The following ZNF362 variants were observed in gnomAD, a reference collection of about 807,000 sequenced individuals.
The protein encoded by ZNF362 is rotund homolog.
In ZNF362, 11 loss-of-function variants were observed where a neutral mutation model predicts 42.9. The ratio of observed to expected loss-of-function variants is 0.26; its 90% confidence interval spans 0.16 to 0.42. The LOEUF (loss-of-function observed/expected upper bound fraction) is 0.42. Ranked by LOEUF, ZNF362 falls within the 20% of genes least tolerant of loss-of-function variation. The probability of loss-of-function intolerance (pLI) is 1.00; values close to 1 mark genes in which losing one functional copy is unlikely to be tolerated. For synonymous variants in ZNF362, 255 were observed against 257.3 expected (o/e 0.99, Z 0.09); for missense variants, 362 against 576.2 (o/e 0.63, Z 3.81).
At chr1:33,186,895 G>A in the ZNF362 span, among the ~76,000 whole-genome samples, 1 of 148,288 alleles carries the variant, frequency 6.7e-6, no homozygotes, top group Middle Eastern at 3.5e-3. Context: ...TCTTAGCATG[G>A]GTTCTTCCAA....
chr1:33,238,286 G>A, the ZNF362 span, among the ~76,000 whole-genome samples: 1 of 141,782 alleles, frequency 7.1e-6, no homozygotes, highest in Non-Finnish European at 1.5e-5. Flanking sequence ...ACCACTGCAC[G>A]CCAGCCCGGG....
At chr1:33,231,045 A>G in the ZNF362 span, among the ~76,000 whole-genome samples, 2 of 152,210 alleles carry the variant, frequency 1.3e-5, no homozygotes, top group Non-Finnish European at 1.5e-5. Context: ...AACCACCACA[A>G]CAATAATAAT....
chr1:33,134,961 C>T, the ZNF362 span, among the ~76,000 whole-genome samples: 1 of 152,174 alleles, frequency 6.6e-6, no homozygotes. Context: ...TTTCACTCCA[C>T]ATAAATATGA....
chr1:33,165,623 A>G, the ZNF362 span: 1 of 1,458,476 alleles, frequency 6.9e-7, no homozygotes, highest in South Asian at 1.3e-5. This position sits in a 1 kb window ranked among gnomAD's most constrained non-coding sequence, Gnocchi z 4.0. Context: ...CCAGGCATTC[A>G]GCCCTGACCA....
the ZNF362 span, chr1:33,158,351 T>A: frequency 1.7e-5 from 27 of 1,613,536 alleles, no homozygotes; most frequent in Non-Finnish European, 1.9e-5. Flanking sequence ...GTTGGTCTCA[T>A]GGATTTTTCC....
chr1:33,280,119 C>T lies in ZNF362; in HGVS notation c.350-5C>T. ...ACCCCTGCCCCCACCCACCTGTCTT[C>T]GCAGGTCTGGGGCTGTCCACCCGGA... On this transcript the variant is annotated splice_polypyrimidine_tract_variant and splice_region_variant and intron_variant, in intron 4 of 8. Transcript: ENST00000539719. The surrounding 1 kb of genome is among the most constrained non-coding windows in gnomAD (Gnocchi z 5.6). 3 of 1,553,720 alleles carry T rather than the reference C, an allele frequency of 1.9e-6. No homozygotes were observed. Among genetic ancestry groups the T allele is most frequent in the African/African-American group, 1.4e-5 (1 of 73,938 alleles).
the ZNF362 span, among the ~76,000 whole-genome samples, chr1:33,222,429 C>A: frequency 6.6e-6 from 1 of 152,216 alleles, no homozygotes; most frequent in Non-Finnish European, 1.5e-5. Context: ...TGCAAATAGT[C>A]ATATCACTGA....
chr1:33,161,171 A>G, the ZNF362 span, among the ~76,000 whole-genome samples: 19 of 152,224 alleles, frequency 1.2e-4, no homozygotes, highest in Non-Finnish European at 2.5e-4. The surrounding 1 kb of genome is among the most constrained non-coding windows in gnomAD (Gnocchi z 4.3). Flanking sequence ...GCAGAGAAAG[A>G]GCCTGGTTAT....
the ZNF362 span, among the ~76,000 whole-genome samples, chr1:33,194,065 A>C: frequency 6.6e-6 from 1 of 152,258 alleles, no homozygotes; most frequent in Non-Finnish European, 1.5e-5. Flanking sequence ...AGCTTATGAA[A>C]AAAGAAGCAA....
chr1:33,205,219 C>T, the ZNF362 span, among the ~76,000 whole-genome samples: 5 of 152,238 alleles, frequency 3.3e-5, no homozygotes, highest in Non-Finnish European at 5.9e-5. Context: ...CACAGCGGCT[C>T]ACAACTATAA....
the ZNF362 span, among the ~76,000 whole-genome samples, chr1:33,150,016 G>A: frequency 6.6e-6 from 1 of 152,172 alleles, no homozygotes; most frequent in Non-Finnish European, 1.5e-5. Context: ...TGGCCACACC[G>A]GCTTAGCAGG....
In ZNF362 at chr1:33,280,077, C is replaced by A; in HGVS notation, c.350-47C>A. 6.6e-7 allele frequency: 1 copy of A among 1,513,780 alleles called. No homozygotes were observed. Among genetic ancestry groups the A allele is most frequent in the Non-Finnish European group, 8.9e-7 (1 of 1,129,570 alleles). The allele number at this position is 1,513,780 out of a possible 1,614,324, so 93.8% of individuals were successfully genotyped here. A position where few individuals can be genotyped will look rare whatever the true frequency, so the allele number is the denominator to read the frequency against. ...ATAGCTGGGTGGGCAGCTGAGCTGG[C>A]CTCTGCAGCTCCGCTCACCCCTGCC... On this transcript the variant is annotated intron_variant, in intron 4 of 8. Coordinates refer to ENST00000539719, the MANE Select transcript of ZNF362 (RefSeq NM_152493.3). The surrounding 1 kb of genome is among the most constrained non-coding windows in gnomAD (Gnocchi z 5.6).
the ZNF362 span, among the ~76,000 whole-genome samples, chr1:33,170,161 C>T: frequency 6.6e-6 from 1 of 152,076 alleles, no homozygotes; most frequent in African/African-American, 2.4e-5. Flanking sequence ...AAAACCCCGT[C>T]TCTACTAAAA....
chr1:33,292,809 G>A (rs1051062399), intron 6 of ZNF362, among the ~76,000 whole-genome samples: 4 of 152,198 alleles, frequency 2.6e-5, no homozygotes, highest in Admixed American at 2.6e-4. Flanking sequence ...GAGAGAATGA[G>A]GATGGGATGA....
the ZNF362 span, among the ~76,000 whole-genome samples, chr1:33,193,654 C>T: frequency 6.6e-6 from 1 of 152,082 alleles, no homozygotes; most frequent in African/African-American, 2.4e-5. Flanking sequence ...CAAGATTGGG[C>T]AGAGAGCCTT....
At chr1:33,175,031 T>TGTGTATATGTATATGTA in the ZNF362 span, among the ~76,000 whole-genome samples, 12 of 147,102 alleles carry the variant, frequency 8.2e-5, no homozygotes, top group Non-Finnish European at 1.6e-4. Context: ...ATGTATATGT[T>TGTGTATATGTATATGTA]TATGTATATG....
rs1330808047 is a variant in ZNF362 at position 33,280,561 on chromosome 1, CTGAGGGG to C, written c.683+105_683+111del. ...CGGGGCTGAAACAGGACCCTTAGGG[CTGAGGGG>C]CAGGGCTAGGGTCCAGAGGGGCGGG... On this transcript the variant is annotated intron_variant, in intron 5 of 8. Transcript: ENST00000539719. This position sits in a 1 kb window ranked among gnomAD's most constrained non-coding sequence, Gnocchi z 5.6. 6.9e-7 allele frequency: 1 copy of C among 1,455,232 alleles called. No individual in the cohort carries two copies. The highest frequency in any genetic ancestry group is 1.4e-5 in the South Asian group (1 of 69,360). The allele number at this position is 1,455,232 out of a possible 1,614,324, so 90.1% of individuals were successfully genotyped here.
the ZNF362 span, among the ~76,000 whole-genome samples, chr1:33,236,967 A>G: frequency 6.6e-6 from 1 of 152,014 alleles, no homozygotes; most frequent in South Asian, 2.1e-4. Context: ...GCTACTCGGG[A>G]GGCTGAGGCA....
the ZNF362 span, among the ~76,000 whole-genome samples, chr1:33,221,387 T>C: frequency 6.6e-5 from 10 of 152,324 alleles, no homozygotes; most frequent in East Asian, 1.9e-3. Context: ...CAGGCACCCC[T>C]GTCCCAAACT....
Sources: allele counts gnomAD v4.1 joint callset (sites outside exome capture counted in the v4.1 genomes callset), GRCh38; gene constraint gnomAD v4.1.1; non-coding constraint Gnocchi (gnomAD v3.1); transcripts MANE v1.5; gene names NCBI Gene and HGNC (gene_info 2026-07-23, HGNC 2026-07-21).